UIMC1: variants seen among roughly 807,000 people sequenced by gnomAD.
UIMC1 encodes ubiquitin interaction motif containing 1.
Under a neutral mutation model 84.9 loss-of-function variants are expected in UIMC1, and 42 were observed. The observed-to-expected ratio is 0.49, with a 90% confidence interval of 0.39 to 0.64. UIMC1 has a LOEUF of 0.64. Among genes scored for constraint, UIMC1 ranks in the 30% least tolerant of loss-of-function variants. UIMC1 has a pLI of 0.00. For missense variants in UIMC1, 825 were observed against 847.6 expected (o/e 0.97, Z 0.33); for synonymous variants, 281 against 293.0 (o/e 0.96, Z 0.42).
intron 12 of UIMC1, among the ~76,000 whole-genome samples, chr5:176,907,789 T>C (rs1759589287): frequency 6.6e-6 from 1 of 152,224 alleles, no homozygotes; most frequent in Non-Finnish European, 1.5e-5. Flanking sequence ...AAATTGGATA[T>C]CCTTTCCGGA....
intron 9 of UIMC1, among the ~76,000 whole-genome samples, chr5:176,943,991 A>G (rs573852216): frequency 6.6e-6 from 1 of 152,350 alleles, no homozygotes; most frequent in African/African-American, 2.4e-5. Flanking sequence ...TCCTCATTGC[A>G]TCAGTGTGCT....
At chr5:176,987,206 AGCG>A (rs1460628072) in intron 1 of UIMC1, among the ~76,000 whole-genome samples, 1 of 151,662 alleles carries the variant, frequency 6.6e-6, no homozygotes, top group East Asian at 2.0e-4. Flanking sequence ...GGGCGACAAG[AGCG>A]AAACTCCATC....
Position 176,980,892 on chromosome 5 carries a change from C to A in UIMC1, c.147+1577G>T, listed in dbSNP as rs184500391. Among the ~76,000 whole-genome samples the A allele has an allele frequency of 3.9e-5, 6 of 152,212 alleles. 1 individual carries two copies. Among genetic ancestry groups the A allele is most frequent in the Admixed American group, 2.6e-4 (4 of 15,284 alleles). Reference sequence around the variant, plus strand: ...AGTATCTGGGACTACAGGCACACGCCACCATGCCCAGCTAAGTTTTGTATT... The same window carrying A: ...AGTATCTGGGACTACAGGCACACGCAACCATGCCCAGCTAAGTTTTGTATT... On this transcript the variant is annotated intron_variant, in intron 2 of 14. Coordinates refer to ENST00000511320, the MANE Select transcript of UIMC1 (RefSeq NM_001199298.2).
chr5:176,937,973 T>C (rs530562056), intron 10 of UIMC1, among the ~76,000 whole-genome samples: 2 of 152,196 alleles, frequency 1.3e-5, no homozygotes, highest in South Asian at 4.1e-4. Flanking sequence ...GGAGAATCAC[T>C]TGAGCCCAGG....
chr5:176,953,697 A>G (rs1766215472), intron 8 of UIMC1, among the ~76,000 whole-genome samples: 1 of 152,228 alleles, frequency 6.6e-6, no homozygotes, highest in Non-Finnish European at 1.5e-5. Context: ...AATGGCTGAA[A>G]TGTCCAACTA....
intron 10 of UIMC1, among the ~76,000 whole-genome samples, chr5:176,938,166 G>A (rs1406241594): frequency 1.4e-5 from 2 of 146,870 alleles, no homozygotes; most frequent in Non-Finnish European, 3.0e-5. Context: ...CTCCAGCCTG[G>A]GCTACAGAGT....
intron 1 of UIMC1, among the ~76,000 whole-genome samples, chr5:177,012,043 G>A (rs573021623): frequency 3.3e-5 from 5 of 152,090 alleles, no homozygotes; most frequent in East Asian, 3.9e-4. Context: ...CTCATGATCC[G>A]CCCGTCTTGG....
chr5:177,015,692 T>A (rs1775655001), intron 1 of UIMC1, among the ~76,000 whole-genome samples: 1 of 152,186 alleles, frequency 6.6e-6, no homozygotes, highest in Admixed American at 6.6e-5. Context: ...CAGACTCCCC[T>A]CTGCCCTCAA....
intron 10 of UIMC1, among the ~76,000 whole-genome samples, chr5:176,917,466 G>A (rs1761142869): frequency 6.6e-6 from 1 of 152,114 alleles, no homozygotes; most frequent in Non-Finnish European, 1.5e-5. Flanking sequence ...CAGCTTCTCG[G>A]GAGGTTAAGG....
chr5:176,921,171 A>G (rs932150259), intron 10 of UIMC1, among the ~76,000 whole-genome samples: 1 of 152,236 alleles, frequency 6.6e-6, no homozygotes, highest in Non-Finnish European at 1.5e-5. Context: ...CACCAAAAGT[A>G]TTAGTCTATC....
chr5:176,971,239 C>T (rs530610538), intron 3 of UIMC1, among the ~76,000 whole-genome samples: 10 of 152,334 alleles, frequency 6.6e-5, no homozygotes, highest in African/African-American at 1.7e-4. Flanking sequence ...AATACCGCAA[C>T]GCTTTATGCT....
chr5:176,966,062 C>A (rs1455649743), intron 6 of UIMC1, among the ~76,000 whole-genome samples: 1 of 152,174 alleles, frequency 6.6e-6, no homozygotes, highest in Admixed American at 6.5e-5. Flanking sequence ...TGCTGATATA[C>A]CTTCAGAAAA....
intron 1 of UIMC1, among the ~76,000 whole-genome samples, chr5:177,020,188 G>A (rs1339515960): frequency 6.6e-6 from 1 of 152,182 alleles, no homozygotes; most frequent in Non-Finnish European, 1.5e-5. Context: ...CCATGCTGTC[G>A]TTTTTCCTGT....
intron 10 of UIMC1, among the ~76,000 whole-genome samples, chr5:176,927,357 G>C (rs540326477): frequency 6.6e-6 from 1 of 151,918 alleles, no homozygotes; most frequent in African/African-American, 2.4e-5. Context: ...GGGTTCAAGC[G>C]ATTCTCCTGC....
intron 10 of UIMC1, among the ~76,000 whole-genome samples, chr5:176,928,136 G>A (rs1050529215): frequency 4.6e-5 from 7 of 152,084 alleles, no homozygotes; most frequent in African/African-American, 1.4e-4. Context: ...GAGGTACCAC[G>A]CTCAGCCTAG....
intron 6 of UIMC1, among the ~76,000 whole-genome samples, chr5:176,964,456 G>A (rs1767992299): frequency 6.6e-6 from 1 of 152,046 alleles, no homozygotes; most frequent in African/African-American, 2.4e-5. Context: ...TCATTTTTAT[G>A]GCTCATGACT....
intron 6 of UIMC1, among the ~76,000 whole-genome samples, chr5:176,966,942 A>G (rs1172666710): frequency 6.6e-6 from 1 of 152,226 alleles, no homozygotes; most frequent in Non-Finnish European, 1.5e-5. Context: ...AAAAAAGTTC[A>G]GCCTCACAAA....
At position 176,975,383 on chromosome 5, in the gene UIMC1, A is replaced by T. The variant is rs375726886; in HGVS notation, c.232+13T>A. 1 of 1,613,174 alleles carries T rather than the reference A, an allele frequency of 6.2e-7. No homozygotes were observed. The highest frequency in any genetic ancestry group is 8.5e-7 in the Non-Finnish European group (1 of 1,179,444). On this transcript the variant is annotated intron_variant, in intron 3 of 14. Coordinates refer to ENST00000511320, the MANE Select transcript of UIMC1 (RefSeq NM_001199298.2). ...ACAATTCCCAAACCATTATCAACAA[A>T]ATGAAAACATACGTGCGATTTTTCT...
intron 1 of UIMC1, among the ~76,000 whole-genome samples, chr5:177,003,164 A>C (rs948349058): frequency 6.6e-6 from 1 of 152,264 alleles, no homozygotes; most frequent in Admixed American, 6.5e-5. Flanking sequence ...CAATGAGCTT[A>C]TTTCTATAAT....
Sources: gnomAD v4.1 joint callset for allele counts (sites outside exome capture counted in the v4.1 genomes callset) on GRCh38, gnomAD v4.1.1 for gene constraint, MANE v1.5 for transcripts, NCBI Gene and HGNC (gene_info 2026-07-23, HGNC 2026-07-21) for gene names.